METTL15: variants seen among roughly 807,000 people sequenced by gnomAD.
METTL15 encodes 12S rRNA N(4)-cytidine methyltransferase METTL15.
METTL15 carries 34 observed loss-of-function variants against 38.3 expected under a neutral mutation model. That is an observed-to-expected ratio of 0.89 (90% CI 0.68 to 1.18). The LOEUF (loss-of-function observed/expected upper bound fraction) is 1.18, where lower values mean the gene tolerates loss of function less well. Ranked by LOEUF, METTL15 falls within the 50% of genes most tolerant of loss-of-function variation. The pLI is 0.00. For missense variants in METTL15, 438 were observed against 498.4 expected, an observed-to-expected ratio of 0.88 and a Z score of 1.15; for synonymous variants, 162 against 170.9, an observed-to-expected ratio of 0.95 and a Z score of 0.41.
At chr11:28,168,111 TCCTC>T (rs532888170) in intron 3 of METTL15, among the ~76,000 whole-genome samples, 95 of 152,174 alleles carry the variant, frequency 6.2e-4, no homozygotes, top group African/African-American at 2.2e-3. Context: ...TTCTTTCTCT[TCCTC>T]TGGTTTTCTT....
At chr11:28,251,307 G>A (rs1854732865) in intron 4 of METTL15, among the ~76,000 whole-genome samples, 1 of 151,920 alleles carries the variant, frequency 6.6e-6, no homozygotes, top group Non-Finnish European at 1.5e-5. Context: ...TTTGACTAGA[G>A]TTTTGCTTCA....
At position 28,207,354 on chromosome 11, in the gene METTL15, G is replaced by C. The variant is rs375898228; in HGVS notation, c.271-3708G>C. 9.1e-4 allele frequency among the ~76,000 whole-genome samples: 139 copies of C among 152,034 alleles called. 1 individual carries two copies. The highest frequency in any genetic ancestry group is 2.7e-3 in the African/African-American group (112 of 41,464). ...ATTTTGTCAAAGGCCTTTTCTGCAT[G>C]TATTGAGATAATCATGTGGTTTTTG... On this transcript the variant is annotated intron_variant, in intron 3 of 6. Coordinates refer to ENST00000407364, the MANE Select transcript of METTL15 (RefSeq NM_001113528.2).
At chr11:28,295,016 T>G (rs770832058) in intron 5 of METTL15, among the ~76,000 whole-genome samples, 9 of 152,158 alleles carry the variant, frequency 5.9e-5, no homozygotes, top group Non-Finnish European at 5.9e-5. Flanking sequence ...TTTCACATCA[T>G]TAACACAGTT....
At chr11:28,315,931 T>G (rs1369251393) in intron 6 of METTL15, among the ~76,000 whole-genome samples, 4 of 152,196 alleles carry the variant, frequency 2.6e-5, no homozygotes, top group Non-Finnish European at 4.4e-5. Flanking sequence ...TTTCAGAAGA[T>G]GTATGGAAAC....
At position 28,293,237 on chromosome 11, in the gene METTL15, A is replaced by G. The variant is rs375892803; in HGVS notation, c.599+2840A>G. On this transcript the variant is annotated intron_variant, in intron 5 of 6. Coordinates refer to ENST00000407364, the MANE Select transcript of METTL15 (RefSeq NM_001113528.2). Reference sequence around the variant, plus strand: ...CATCTTGAATTAATTTTTGTATAAGATGTAAGGAAGGGATCCAGTTTCAGC... The same window carrying G: ...CATCTTGAATTAATTTTTGTATAAGGTGTAAGGAAGGGATCCAGTTTCAGC... Among the ~76,000 whole-genome samples the G allele has an allele frequency of 2.0e-4, 30 of 152,094 alleles. No homozygotes were observed. In the South Asian group the frequency reaches 2.5e-3, roughly 13 times the overall value.
chr11:28,244,080 G>A (rs971813999), intron 4 of METTL15, among the ~76,000 whole-genome samples: 1 of 152,128 alleles, frequency 6.6e-6, no homozygotes, highest in Non-Finnish European at 1.5e-5. Context: ...AATATTATTT[G>A]AAGATTTATT....
intron 4 of METTL15, among the ~76,000 whole-genome samples, chr11:28,218,021 A>T (rs1852984536): frequency 6.6e-6 from 1 of 152,152 alleles, no homozygotes; most frequent in South Asian, 2.1e-4. Flanking sequence ...CTTTTGGCTT[A>T]GCGTGACTTG....
At chr11:28,224,696 C>T (rs1024409865) in intron 4 of METTL15, among the ~76,000 whole-genome samples, 3 of 151,606 alleles carry the variant, frequency 2.0e-5, no homozygotes, top group Admixed American at 1.3e-4. Flanking sequence ...TATTAGAACC[C>T]TAATTCTTAT....
intron 6 of METTL15, among the ~76,000 whole-genome samples, chr11:28,505,769 T>C (rs1337288211): frequency 1.3e-5 from 2 of 152,202 alleles, no homozygotes; most frequent in African/African-American, 2.4e-5. Flanking sequence ...GGTGGATCCA[T>C]AACTCAGCTG....
intron 3 of METTL15, among the ~76,000 whole-genome samples, chr11:28,122,526 T>C (rs1852296066): frequency 6.6e-6 from 1 of 151,498 alleles, no homozygotes; most frequent in African/African-American, 2.4e-5. Context: ...TTTTCCATAA[T>C]GACGGGTTAA....
At chr11:28,354,110 T>A (rs1245513424) in intron 4 of METTL15, among the ~76,000 whole-genome samples, 1 of 152,054 alleles carries the variant, frequency 6.6e-6, no homozygotes, top group East Asian at 1.9e-4. Flanking sequence ...GAGCAGGAGC[T>A]GAGAGGGAAA....
chr11:28,525,982 A>ACAGCGCTGGTGGGC (rs1851807759), intron 6 of METTL15, among the ~76,000 whole-genome samples: 1 of 152,200 alleles, frequency 6.6e-6, no homozygotes, highest in African/African-American at 2.4e-5. Context: ...GAAATTGAGC[A>ACAGCGCTGGTGGGC]CAGCGCTGGT....
At chr11:28,446,336 C>A (rs1851075013) in intron 6 of METTL15, among the ~76,000 whole-genome samples, 1 of 152,114 alleles carries the variant, frequency 6.6e-6, no homozygotes, top group Non-Finnish European at 1.5e-5. Flanking sequence ...GAAAGTAATT[C>A]TGTGTGTAGC....
intron 5 of METTL15, among the ~76,000 whole-genome samples, chr11:28,382,940 T>C (rs1421953761): frequency 2.7e-5 from 4 of 147,682 alleles, no homozygotes; most frequent in African/African-American, 1.0e-4. Context: ...TTCTGGGATA[T>C]TGGTGATGGT....
intron 5 of METTL15, among the ~76,000 whole-genome samples, chr11:28,366,725 G>T (rs1009915149): frequency 6.6e-6 from 1 of 152,140 alleles, no homozygotes; most frequent in South Asian, 2.1e-4. Context: ...AGGAATGAAG[G>T]TGGGGCTAAA....
At chr11:28,222,466 C>A (rs758177036) in intron 4 of METTL15, among the ~76,000 whole-genome samples, 2 of 152,176 alleles carry the variant, frequency 1.3e-5, no homozygotes, top group African/African-American at 2.4e-5. Flanking sequence ...TTTTCATTGG[C>A]TAGGAAAGGG....
At chr11:28,131,982 A>G (rs536205802) in intron 3 of METTL15, among the ~76,000 whole-genome samples, 1 of 152,264 alleles carries the variant, frequency 6.6e-6, no homozygotes, top group South Asian at 2.1e-4. Flanking sequence ...ATGATTATTT[A>G]CCTGGGGCAT....
chr11:28,243,022 C>T (rs1013438260), intron 4 of METTL15, among the ~76,000 whole-genome samples: 1 of 151,536 alleles, frequency 6.6e-6, no homozygotes, highest in African/African-American at 2.4e-5. Context: ...TTTATAATCT[C>T]CTTAATAATG....
intron 4 of METTL15, among the ~76,000 whole-genome samples, chr11:28,272,968 T>C (rs1855704154): frequency 2.0e-5 from 3 of 152,182 alleles, no homozygotes; most frequent in African/African-American, 7.2e-5. Context: ...ACCCTATTAC[T>C]AAGTAAACTA....
Sources: gnomAD v4.1 joint callset for allele counts (sites outside exome capture counted in the v4.1 genomes callset) on GRCh38, gnomAD v4.1.1 for gene constraint, MANE v1.5 for transcripts, NCBI Gene and HGNC (gene_info 2026-07-23, HGNC 2026-07-21) for gene names.